TMEM132D: variants seen among roughly 807,000 people sequenced by gnomAD.
The protein encoded by TMEM132D is transmembrane protein 132D, also known as mature OL transmembrane protein.
Under a neutral mutation model 62.3 loss-of-function variants are expected in TMEM132D, and 21 were observed. That is an observed-to-expected ratio of 0.34 (90% confidence interval 0.24 to 0.49). TMEM132D has a LOEUF of 0.49. TMEM132D is among the 20% of genes least tolerant of loss of function. TMEM132D has a pLI of 0.99. For missense variants in TMEM132D, 1,346 were observed against 1,402.8 expected, an observed-to-expected ratio of 0.96 and a Z score of 0.65; for synonymous variants, 621 against 575.6, an observed-to-expected ratio of 1.08 and a Z score of -1.13.
rs1053918014 is a variant in TMEM132D at position 129,334,604 on chromosome 12, C to T, written c.1299+3030G>A. Reference sequence around the variant, plus strand: ...CCATTGCTAACAACTCAGCCCACCACGTTTTGTTTTGTTTTGTTTTGTTTT... The same window carrying T: ...CCATTGCTAACAACTCAGCCCACCATGTTTTGTTTTGTTTTGTTTTGTTTT... On this transcript the variant is annotated intron_variant, in intron 4 of 8. Transcript: ENST00000422113. Among the ~76,000 whole-genome samples the T allele has an allele frequency of 5.9e-5, 9 of 152,064 alleles. No individual in the cohort carries two copies. The East Asian group carries it at 7.7e-4, about 13-fold the overall frequency.
intron 3 of TMEM132D, among the ~76,000 whole-genome samples, chr12:129,424,578 G>T (rs1198535030): frequency 6.6e-6 from 1 of 151,556 alleles, no homozygotes; most frequent in Non-Finnish European, 1.5e-5. Flanking sequence ...CGTGGTGGTG[G>T]GCACCTGTAG....
chr12:129,523,878 C>T (rs1875930458), intron 3 of TMEM132D, among the ~76,000 whole-genome samples: 1 of 152,134 alleles, frequency 6.6e-6, no homozygotes. Flanking sequence ...TTAAATGTTT[C>T]TCAAGGAGGC....
intron 3 of TMEM132D, among the ~76,000 whole-genome samples, chr12:129,481,010 A>G (rs752691421): frequency 1.3e-5 from 2 of 152,110 alleles, no homozygotes; most frequent in Non-Finnish European, 2.9e-5. Flanking sequence ...CAGCAGCTAG[A>G]AGCAACTAAC....
chr12:129,636,737 T>TGTGTGAGAGAGAGA (rs375868329), intron 2 of TMEM132D, among the ~76,000 whole-genome samples: 33 of 113,630 alleles, frequency 2.9e-4, no homozygotes, highest in African/African-American at 1.0e-3. Context: ...TGTGTGTGTG[T>TGTGTGAGAGAGAGA]GAGAGAGAGA....
chr12:129,336,415 A>C (rs1869272332), intron 4 of TMEM132D, among the ~76,000 whole-genome samples: 1 of 152,066 alleles, frequency 6.6e-6, no homozygotes, highest in South Asian at 2.1e-4. Flanking sequence ...GTCTCTACTA[A>C]AAATGCAAAA....
At chr12:129,306,170 T>C (rs1881842267) in intron 4 of TMEM132D, among the ~76,000 whole-genome samples, 1 of 152,194 alleles carries the variant, frequency 6.6e-6, no homozygotes, top group South Asian at 2.1e-4. Context: ...GGCCCGGGTT[T>C]ATATAACACC....
At chr12:129,517,271 A>G (rs1875710478) in intron 3 of TMEM132D, among the ~76,000 whole-genome samples, 1 of 152,094 alleles carries the variant, frequency 6.6e-6, no homozygotes, top group East Asian at 1.9e-4. Context: ...TTTTTTACTT[A>G]CCCTTAGCAT....
intron 5 of TMEM132D, among the ~76,000 whole-genome samples, chr12:129,128,041 G>A (rs1480577957): frequency 2.0e-5 from 3 of 152,086 alleles, no homozygotes; most frequent in Admixed American, 2.0e-4. Context: ...GGCTTTCAGT[G>A]GTAAAATCAT....
chr12:129,513,439 T>G (rs1309832555), intron 3 of TMEM132D, among the ~76,000 whole-genome samples: 1 of 152,100 alleles, frequency 6.6e-6, no homozygotes, highest in African/African-American at 2.4e-5. Flanking sequence ...TTAATTGACC[T>G]GGAAAGATGT....
intron 3 of TMEM132D, among the ~76,000 whole-genome samples, chr12:129,343,781 A>T (rs992977783): frequency 6.6e-6 from 1 of 150,836 alleles, no homozygotes; most frequent in Admixed American, 6.6e-5. Context: ...CAAAAAAAAA[A>T]AACAAATGAG....
intron 2 of TMEM132D, among the ~76,000 whole-genome samples, chr12:129,579,161 T>C (rs1431862090): frequency 6.6e-6 from 1 of 152,236 alleles, no homozygotes; most frequent in East Asian, 1.9e-4. Context: ...GAACGATGAA[T>C]GCTGATCCTA....
intron 5 of TMEM132D, among the ~76,000 whole-genome samples, chr12:129,143,253 C>G (rs1876794707): frequency 1.3e-5 from 2 of 152,136 alleles, no homozygotes; most frequent in Admixed American, 1.3e-4. Flanking sequence ...GCTCACAAAA[C>G]TCAGGGAAAC....
At chr12:129,553,600 TC>T (rs1876964656) in intron 2 of TMEM132D, among the ~76,000 whole-genome samples, 1 of 152,146 alleles carries the variant, frequency 6.6e-6, no homozygotes, top group Non-Finnish European at 1.5e-5. Context: ...GTGTAAATGT[TC>T]CCACCATGAC....
chr12:129,747,853 CACACACACACACG>C (rs201512782), intron 1 of TMEM132D, among the ~76,000 whole-genome samples: 34 of 87,842 alleles, frequency 3.9e-4, no homozygotes, highest in Admixed American at 7.0e-4. Flanking sequence ...CACACACAGA[CACACACACACACG>C]ACACACACAC....
At chr12:129,494,728 C>G (rs1186259452) in intron 3 of TMEM132D, among the ~76,000 whole-genome samples, 2 of 152,108 alleles carry the variant, frequency 1.3e-5, no homozygotes, top group Non-Finnish European at 2.9e-5. Context: ...GTTCTCATAT[C>G]CTCCTACAAC....
intron 5 of TMEM132D, among the ~76,000 whole-genome samples, chr12:129,176,414 C>T (rs1412287340): frequency 6.6e-6 from 1 of 152,204 alleles, no homozygotes; most frequent in African/African-American, 2.4e-5. Flanking sequence ...GGGATGTAGC[C>T]ACCATTGGGT....
chr12:129,816,909 G>A (rs945516922), intron 1 of TMEM132D, among the ~76,000 whole-genome samples: 3 of 152,008 alleles, frequency 2.0e-5, no homozygotes, highest in African/African-American at 7.2e-5. Context: ...TCACAAACAG[G>A]AACATAAATA....
At chr12:129,237,626 A>G (rs1444980383) in intron 4 of TMEM132D, among the ~76,000 whole-genome samples, 1 of 152,098 alleles carries the variant, frequency 6.6e-6, no homozygotes, top group East Asian at 1.9e-4. Context: ...TTAAAACTGT[A>G]TTGGTATCTG....
intron 2 of TMEM132D, among the ~76,000 whole-genome samples, chr12:129,629,522 T>G (rs1018538061): frequency 6.6e-6 from 1 of 152,206 alleles, no homozygotes; most frequent in Non-Finnish European, 1.5e-5. Context: ...CTTGATCCCA[T>G]CTCGGTTTAA....
Sources: gnomAD v4.1 joint callset for allele counts (sites outside exome capture counted in the v4.1 genomes callset) on GRCh38, gnomAD v4.1.1 for gene constraint, MANE v1.5 for transcripts, NCBI Gene and HGNC (gene_info 2026-07-23, HGNC 2026-07-21) for gene names.